ACYP2: variants seen among roughly 807,000 people sequenced by gnomAD.
ACYP2 encodes the protein acylphosphatase-2.
In ACYP2, 12 loss-of-function variants were observed where a neutral mutation model predicts 11.2. The ratio of observed to expected loss-of-function variants is 1.08; its 90% confidence interval spans 0.69 to 1.74. The LOEUF (loss-of-function observed/expected upper bound fraction) is 1.74. ACYP2 is among the 40% of genes most tolerant of loss of function. The pLI, the probability that ACYP2 is intolerant of heterozygous loss-of-function variation, is 0.00. For missense variants in ACYP2, 134 were observed against 101.9 expected (o/e 1.31, Z -1.35); for synonymous variants, 43 against 32.2 (o/e 1.33, Z -1.13).
chr2:54,276,619 T>TCACACACACACACACACAAA lies in ACYP2; in HGVS notation c.405-28051_405-28050insAACACACACACACACACACA, dbSNP rs367645786. On this transcript the variant is annotated intron_variant, in intron 6 of 6. Coordinates refer to ENST00000607452, the MANE Select transcript of ACYP2 (RefSeq NM_001320586.2). The stretch of plus-strand genomic sequence containing the variant: ...TTTTCTTTGGGTTCAGATTGTTCTT[T>TCACACACACACACACACAAA]CACACACACACACACACACACACAC... Among the ~76,000 whole-genome samples the TCACACACACACACACACAAA allele has an allele frequency of 1.7e-3, 249 of 146,214 alleles. 1 individual carries two copies. The highest frequency in any genetic ancestry group is 6.0e-3 in the African/African-American group (240 of 40,028).
intron 6 of ACYP2, 113 bp from the exon 4 acceptor site, chr2:54,304,575 G>C: frequency 1.6e-6 from 1 of 630,066 alleles, no homozygotes; most frequent in East Asian, 2.7e-5. Context: ...TCACATATAT[G>C]CAAAAATTAC....
In ACYP2 at chr2:54,119,051, CTTTTTTTTTTTTTTTTTT is replaced by C. The variant is rs10542497; in HGVS notation, c.278-16387_278-16370del. 4.6e-4 allele frequency among the ~76,000 whole-genome samples: 20 copies of C among 43,772 alleles called. 2 individuals are homozygous for C. The highest frequency in any genetic ancestry group is 3.5e-3 in the Admixed American group (10 of 2,824). 28.7% of individuals were successfully genotyped at this position (43,772 alleles called of 152,430 possible). On this transcript the variant is annotated intron_variant, in intron 4 of 6. Coordinates refer to ENST00000607452, the MANE Select transcript of ACYP2 (RefSeq NM_001320586.2). ...GAAGTGGGATTTGAATCTTAGTAGTCTTTTTTTTTTTTTTTTTTTTTTTTTTTTTTTTAACAGGGTCTC... is the reference window on the plus strand; with the variant it reads ...GAAGTGGGATTTGAATCTTAGTAGTCTTTTTTTTTTTTTTAACAGGGTCTC...
intron 6 of ACYP2, among the ~76,000 whole-genome samples, chr2:54,141,297 T>A (rs1323816531): frequency 6.6e-6 from 1 of 152,250 alleles, no homozygotes; most frequent in Admixed American, 6.5e-5. Context: ...GTTTTTCATT[T>A]TTATTAACTC....
At chr2:54,225,354 T>A (rs1685969774) in intron 6 of ACYP2, among the ~76,000 whole-genome samples, 1 of 152,192 alleles carries the variant, frequency 6.6e-6, no homozygotes. Flanking sequence ...TTAAAAATAA[T>A]ACACCATATT....
chr2:54,008,790 A>T (rs1245341673), intron 2 of ACYP2, among the ~76,000 whole-genome samples: 3 of 152,066 alleles, frequency 2.0e-5, no homozygotes, highest in Non-Finnish European at 4.4e-5. Flanking sequence ...AGTACAGGAG[A>T]AGCATTCTCT....
At chr2:54,198,654 C>T (rs1684619020) in intron 6 of ACYP2, among the ~76,000 whole-genome samples, 1 of 152,108 alleles carries the variant, frequency 6.6e-6, no homozygotes, top group Non-Finnish European at 1.5e-5. Context: ...TACCATTCAT[C>T]TGTATATTGT....
intron 6 of ACYP2, among the ~76,000 whole-genome samples, chr2:54,145,431 C>T (rs754355120): frequency 1.1e-4 from 17 of 152,054 alleles, no homozygotes; most frequent in Middle Eastern, 3.2e-3. Flanking sequence ...GTTCAGTGTG[C>T]GAAAGATTAT....
At chr2:54,122,267 T>C (rs746298065) in intron 4 of ACYP2, among the ~76,000 whole-genome samples, 22 of 152,226 alleles carry the variant, frequency 1.4e-4, no homozygotes, top group Non-Finnish European at 2.6e-4. Context: ...TAAATATCAG[T>C]GTGTGTTTGT....
intron 6 of ACYP2, among the ~76,000 whole-genome samples, chr2:54,292,466 G>A (rs1204890884): frequency 1.3e-5 from 2 of 151,846 alleles, no homozygotes; most frequent in Non-Finnish European, 2.9e-5. Flanking sequence ...ATTATATCTT[G>A]GATAGAGTGG....
chr2:54,130,395 G>A (rs1314184526), intron 4 of ACYP2, among the ~76,000 whole-genome samples: 1 of 152,158 alleles, frequency 6.6e-6, no homozygotes, highest in Non-Finnish European at 1.5e-5. Context: ...AGGATATGAG[G>A]TAGAGGAATT....
chr2:54,202,643 G>A, intron 6 of ACYP2, among the ~76,000 whole-genome samples: 1 of 144,476 alleles, frequency 6.9e-6, no homozygotes, highest in East Asian at 2.1e-4. Flanking sequence ...CCTGACCTCA[G>A]GTGATCCATC....
At chr2:53,985,604 A>G (rs976495634) in intron 2 of ACYP2, among the ~76,000 whole-genome samples, 1 of 152,222 alleles carries the variant, frequency 6.6e-6, no homozygotes, top group Non-Finnish European at 1.5e-5. Context: ...CAACAGTATA[A>G]TGGATAAACT....
At chr2:54,147,377 T>C (rs1313393361) in intron 6 of ACYP2, among the ~76,000 whole-genome samples, 1 of 152,158 alleles carries the variant, frequency 6.6e-6, no homozygotes, top group East Asian at 1.9e-4. Context: ...GATCTATGCG[T>C]TCTGTCTTCT....
intron 2 of ACYP2, chr2:54,030,807 T>A (rs945116217): frequency 3.9e-5 from 6 of 152,266 alleles, no homozygotes; most frequent in African/African-American, 1.4e-4. Flanking sequence ...ATAACTGACC[T>A]TTAGTACTCC....
chr2:54,270,622 A>C (rs955574189), intron 6 of ACYP2, among the ~76,000 whole-genome samples: 7 of 152,196 alleles, frequency 4.6e-5, no homozygotes, highest in African/African-American at 1.4e-4. Flanking sequence ...TTAAAAATAA[A>C]GATAAAAAAT....
Position 54,145,391 on chromosome 2 carries a change from A to G in ACYP2, c.404+6643A>G, listed in dbSNP as rs187598178. Among the ~76,000 whole-genome samples, 208 of 152,334 alleles carry G rather than the reference A, an allele frequency of 1.4e-3. 1 individual carries two copies. Among genetic ancestry groups the G allele is most frequent in the African/African-American group, 4.6e-3 (191 of 41,584 alleles). ...AGGAACTGATTTTTCCCACTTTCCA[A>G]ACAGGCTGGGGCAAGCAGTCCTAGG... On this transcript the variant is annotated intron_variant, in intron 6 of 6. Coordinates refer to ENST00000607452, the MANE Select transcript of ACYP2 (RefSeq NM_001320586.2).
intron 6 of ACYP2, among the ~76,000 whole-genome samples, chr2:54,235,847 CCAACAA>C (rs1013509440): frequency 1.5e-4 from 23 of 152,160 alleles, no homozygotes; most frequent in Non-Finnish European, 1.2e-4. Context: ...AACCAACCAA[CCAACAA>C]CAACAATAAA....
chr2:54,140,528 TCA>T (rs200260278), intron 6 of ACYP2, among the ~76,000 whole-genome samples: 73,823 of 150,624 alleles, frequency 0.49, 18,142 homozygotes, highest in African/African-American at 0.54. Flanking sequence ...ATTCTCTCTC[TCA>T]CACACACACA....
At chr2:54,221,990 C>G (rs1685818754) in intron 6 of ACYP2, among the ~76,000 whole-genome samples, 1 of 152,218 alleles carries the variant, frequency 6.6e-6, no homozygotes, top group Non-Finnish European at 1.5e-5. Flanking sequence ...GCATTCTTCT[C>G]TTCTCCTCAC....
Sources: gnomAD v4.1 joint callset for allele counts (sites outside exome capture counted in the v4.1 genomes callset) on GRCh38, gnomAD v4.1.1 for gene constraint, MANE v1.5 for transcripts, NCBI Gene and HGNC (gene_info 2026-07-23, HGNC 2026-07-21) for gene names.